Variants in MYO3B observed in about 807,000 individuals in gnomAD.
The protein encoded by MYO3B is myosin-IIIb.
MYO3B carries 156 observed loss-of-function variants against 174.6 expected under a neutral mutation model. The observed-to-expected ratio is 0.89, with a 90% CI of 0.78 to 1.02. MYO3B has a LOEUF of 1.02. MYO3B is among the 50% of genes least tolerant of loss of function. The pLI, the probability that MYO3B is intolerant of heterozygous loss-of-function variation, is 0.00. For synonymous variants in MYO3B, 563 were observed against 569.1 expected (o/e 0.99, Z 0.15); for missense variants, 1,632 against 1,639.4 (o/e 1.00, Z 0.08).
chr2:170,588,006 C>A (rs991168008), intron 32 of MYO3B, among the ~76,000 whole-genome samples: 1 of 152,100 alleles, frequency 6.6e-6, no homozygotes, highest in Non-Finnish European at 1.5e-5. Context: ...GCCATATGGA[C>A]AAGTCAATGT....
rs1255782226 is a variant in MYO3B, at chr2:170,199,205, C to T, written c.3-3C>T. ...GCACATAACAAATTTTTCCCCCAAC[C>T]AGGAAACATCTGTATGGATTATTTC... On this transcript the variant is annotated splice_polypyrimidine_tract_variant and splice_region_variant and intron_variant, in intron 1 of 34. Transcript: ENST00000408978. 6.3e-7 allele frequency: 1 copy of T among 1,583,612 alleles called. No individual in the cohort carries two copies. The highest frequency in any genetic ancestry group is 8.6e-7 in the Non-Finnish European group (1 of 1,164,458).
At position 170,210,679 on chromosome 2, in the gene MYO3B, T is replaced by G. The variant is rs766088446; in HGVS notation, c.322-3700T>G. On this transcript the variant is annotated intron_variant, in intron 3 of 34. Transcript: ENST00000408978. ...CTTAAAACATTTAGCAAACCTAGTATCTGACCTGCATAATTTAGTTCACCT... is the reference window on the plus strand; with the variant it reads ...CTTAAAACATTTAGCAAACCTAGTAGCTGACCTGCATAATTTAGTTCACCT... Among the ~76,000 whole-genome samples the G allele has an allele frequency of 3.0e-4, 45 of 152,358 alleles. 1 individual carries two copies. The highest frequency in any genetic ancestry group is 1.2e-3 in the Admixed American group (18 of 15,302).
In MYO3B at chr2:170,435,672, A is replaced by G. The variant is rs368708829; in HGVS notation, c.2651-8295A>G. ...TTTACTGCTCCTTATCTTTGTAGCT[A>G]TTTGACACAAACAGCTTTTTACATT... On this transcript the variant is annotated intron_variant, in intron 22 of 34. Coordinates refer to ENST00000408978, the MANE Select transcript of MYO3B (RefSeq NM_138995.5). 2.1e-4 allele frequency among the ~76,000 whole-genome samples: 32 copies of G among 152,342 alleles called. 1 individual carries two copies. Among genetic ancestry groups the G allele is most frequent in the African/African-American group, 7.7e-4 (32 of 41,574 alleles).
chr2:170,295,069 A>G (rs2093620933), intron 7 of MYO3B, among the ~76,000 whole-genome samples: 1 of 152,006 alleles, frequency 6.6e-6, no homozygotes. Context: ...TACCTTTGTC[A>G]TTATACAGTC....
rs143968283 is a variant in MYO3B at position 170,652,964 on chromosome 2, G to A, written c.3888-19G>A. The A allele has an allele frequency of 1.2e-6, 2 of 1,612,738 alleles. No homozygotes were observed. The highest frequency in any genetic ancestry group is 1.7e-6 in the Non-Finnish European group (2 of 1,179,490). ...TGTTTTATTTTTTGTTGAAAATCCTGTTGTTTTCTTTGTTGCAGCCAAATC... is the reference window on the plus strand; with the variant it reads ...TGTTTTATTTTTTGTTGAAAATCCTATTGTTTTCTTTGTTGCAGCCAAATC... On this transcript the variant is annotated intron_variant, in intron 34 of 34. Transcript: ENST00000408978.
chr2:170,629,707 G>T (rs774166807), intron 32 of MYO3B, among the ~76,000 whole-genome samples: 4 of 152,070 alleles, frequency 2.6e-5, no homozygotes, highest in African/African-American at 4.8e-5. Context: ...AAAATTAGCT[G>T]GGCATGGTGG....
At chr2:170,638,921 G>C (rs1697744018) in intron 32 of MYO3B, among the ~76,000 whole-genome samples, 1 of 152,134 alleles carries the variant, frequency 6.6e-6, no homozygotes, top group African/African-American at 2.4e-5. Context: ...GGGGTCTTCT[G>C]ATCCCCCATG....
chr2:170,357,692 T>A (rs1356455345), intron 8 of MYO3B, among the ~76,000 whole-genome samples: 2 of 152,136 alleles, frequency 1.3e-5, no homozygotes, highest in Non-Finnish European at 2.9e-5. Context: ...CATACGTTGG[T>A]AGGAATATAA....
intron 32 of MYO3B, among the ~76,000 whole-genome samples, chr2:170,636,055 A>G (rs1001977912): frequency 5.9e-5 from 9 of 152,220 alleles, no homozygotes; most frequent in Non-Finnish European, 1.5e-5. Context: ...CGTATTATAT[A>G]GTGTGTGGAA....
At chr2:170,568,539 T>C (rs1692219995) in intron 32 of MYO3B, among the ~76,000 whole-genome samples, 1 of 152,238 alleles carries the variant, frequency 6.6e-6, no homozygotes, top group African/African-American at 2.4e-5. Context: ...GGATCTTCTT[T>C]TGCCCAAATA....
chr2:170,422,141 T>A (rs909645568), intron 22 of MYO3B, among the ~76,000 whole-genome samples: 1 of 152,194 alleles, frequency 6.6e-6, no homozygotes, highest in African/African-American at 2.4e-5. Flanking sequence ...ACCTTAAAAT[T>A]GAACAGACCA....
At chr2:170,211,110 A>G (rs1037962416) in intron 3 of MYO3B, among the ~76,000 whole-genome samples, 5 of 152,186 alleles carry the variant, frequency 3.3e-5, no homozygotes, top group Non-Finnish European at 7.3e-5. Flanking sequence ...GGGTTCCATG[A>G]GAAAAACAGG....
At chr2:170,294,332 T>C (rs2093615187) in intron 7 of MYO3B, among the ~76,000 whole-genome samples, 1 of 151,032 alleles carries the variant, frequency 6.6e-6, no homozygotes, top group Non-Finnish European at 1.5e-5. Context: ...AATAATATAT[T>C]ATAAAATTTA....
intron 22 of MYO3B, among the ~76,000 whole-genome samples, chr2:170,410,569 G>A (rs1012025321): frequency 7.9e-6 from 1 of 126,302 alleles, no homozygotes; most frequent in Non-Finnish European, 1.6e-5. Flanking sequence ...AACAGTGCAA[G>A]ACTCCGTCTC....
At chr2:170,238,612 T>C (rs2093097585) in intron 7 of MYO3B, among the ~76,000 whole-genome samples, 1 of 151,796 alleles carries the variant, frequency 6.6e-6, no homozygotes, top group South Asian at 2.1e-4. Flanking sequence ...ACCCTTTCTT[T>C]ACTGGAAATA....
intron 32 of MYO3B, among the ~76,000 whole-genome samples, chr2:170,597,644 G>GA (rs1192388437): frequency 6.6e-6 from 1 of 151,516 alleles, no homozygotes; most frequent in African/African-American, 2.4e-5. Context: ...GTGGTTAGGG[G>GA]AAAAAAAAGA....
intron 28 of MYO3B, 56 bp downstream of exon 28, chr2:170,501,921 C>A: frequency 8.3e-7 from 1 of 1,207,022 alleles, no homozygotes; most frequent in South Asian, 1.3e-5. Context: ...TGACTAACTT[C>A]TGTGAATGTA....
At chr2:170,494,509 C>G (rs1686713507) in intron 25 of MYO3B, among the ~76,000 whole-genome samples, 1 of 152,032 alleles carries the variant, frequency 6.6e-6, no homozygotes, top group Non-Finnish European at 1.5e-5. Context: ...GGGCAGATCA[C>G]TTGAGGTCAG....
chr2:170,592,108 T>G (rs1204472727), intron 32 of MYO3B, among the ~76,000 whole-genome samples: 1 of 152,196 alleles, frequency 6.6e-6, no homozygotes, highest in African/African-American at 2.4e-5. Flanking sequence ...CAAAATCCCA[T>G]ACCCAGTGCT....
Sources: allele counts gnomAD v4.1 joint callset (sites outside exome capture counted in the v4.1 genomes callset), GRCh38; gene constraint gnomAD v4.1.1; transcripts MANE v1.5; gene names NCBI Gene and HGNC (gene_info 2026-07-23, HGNC 2026-07-21).